The following ZNF346 variants were observed in gnomAD, a reference collection of about 807,000 sequenced individuals.
The protein encoded by ZNF346 is double-stranded RNA-binding zinc finger protein JAZ.
ZNF346 carries 23 observed loss-of-function variants against 33.7 expected under a neutral mutation model. The ratio of observed to expected loss-of-function variants is 0.68; its 90% CI spans 0.49 to 0.97. The LOEUF is 0.97. ZNF346 is among the 50% of genes least tolerant of loss of function. The pLI is 0.00. For missense variants in ZNF346, 340 were observed against 371.1 expected (o/e 0.92, Z 0.69); for synonymous variants, 134 against 142.4 (o/e 0.94, Z 0.42).
intron 1 of ZNF346, chr5:177,023,156 A>G (rs771683329): frequency 4.7e-5 from 72 of 1,531,128 alleles, no homozygotes; most frequent in Non-Finnish European, 2.0e-5. Context: ...ATCATTCACT[A>G]CAGCGCAGTT....
At position 177,041,235 on chromosome 5, in the gene ZNF346, C is replaced by A; in HGVS notation, c.279+6C>A. 1 of 1,609,556 alleles carries A rather than the reference C, an allele frequency of 6.2e-7. No homozygotes were observed. Among genetic ancestry groups the A allele is most frequent in the Non-Finnish European group, 8.5e-7 (1 of 1,175,880 alleles). On this transcript the variant is annotated splice_donor_region_variant and intron_variant, in intron 2 of 6. Transcript: ENST00000358149. ...AGAAGCTGGCACATTACCAGGTATG[C>A]CATCATACTTTTAGAACTGCGTTTC...
intron 1 of ZNF346, among the ~76,000 whole-genome samples, chr5:177,025,327 G>T (rs978352921): frequency 6.6e-6 from 1 of 152,170 alleles, no homozygotes; most frequent in Admixed American, 6.5e-5. Flanking sequence ...CATTTGGATT[G>T]TTTCCAGTTT....
chr5:177,028,496 T>TATATATATATATATA (rs1554142623), intron 1 of ZNF346, among the ~76,000 whole-genome samples: 83 of 90,494 alleles, frequency 9.2e-4, no homozygotes, highest in African/African-American at 3.6e-3. Flanking sequence ...TTGTGACGTT[T>TATATATATATATATA]TATATATATA....
intron 8 of ZNF346, among the ~76,000 whole-genome samples, chr5:177,078,083 G>T (rs1163724415): frequency 6.6e-6 from 1 of 152,080 alleles, no homozygotes; most frequent in Non-Finnish European, 1.5e-5. Flanking sequence ...GGAGGTGGAG[G>T]TTGCAGTGAG....
At chr5:177,035,018 TTTTC>T (rs1472964787) in intron 1 of ZNF346, among the ~76,000 whole-genome samples, 3 of 144,672 alleles carry the variant, frequency 2.1e-5, no homozygotes, top group African/African-American at 8.6e-5. Context: ...TTTTCTTTTC[TTTTC>T]TTTTTTTTTT....
chr5:177,072,288 A>G (rs1251428564), downstream of ZNF346, among the ~76,000 whole-genome samples: 1 of 152,162 alleles, frequency 6.6e-6, no homozygotes, highest in Non-Finnish European at 1.5e-5. Flanking sequence ...CCCTCAGGAC[A>G]TTTCCCTCAG....
At chr5:177,034,203 C>CTTTTT (rs34082036) in intron 1 of ZNF346, among the ~76,000 whole-genome samples, 193 of 142,896 alleles carry the variant, frequency 1.4e-3, no homozygotes, top group African/African-American at 4.9e-3. Context: ...TCCTTTCTTT[C>CTTTTT]TTTTTTTTTT....
chr5:177,027,586 CAAAAAAAAAA>C (rs1282201135), intron 1 of ZNF346, among the ~76,000 whole-genome samples: 1 of 64,646 alleles, frequency 1.5e-5, no homozygotes, highest in African/African-American at 4.2e-5. Context: ...GACTTTGTCT[CAAAAAAAAAA>C]AAAAAAAAAA....
intron 1 of ZNF346, among the ~76,000 whole-genome samples, chr5:177,030,269 T>C (rs1257111917): frequency 6.6e-6 from 1 of 152,174 alleles, no homozygotes; most frequent in Non-Finnish European, 1.5e-5. Context: ...TGTTGATTTC[T>C]GATTAAATTC....
rs1783789786 is a variant in ZNF346, at chr5:177,077,156, A to C, written c.*3-2226A>C. The stretch of plus-strand genomic sequence containing the variant: ...TTAAGTTTAAAAGTAATGTGTTATG[A>C]AGCAATGGATAACTAATACAGGTCT... On this transcript the variant is annotated intron_variant, in intron 8 of 8. Coordinates refer to the ZNF346 transcript ENST00000503039. This position sits in a 1 kb window ranked among gnomAD's most constrained non-coding sequence, Gnocchi z 5.0. Among the ~76,000 whole-genome samples, 1 of 152,248 alleles carries C rather than the reference A, an allele frequency of 6.6e-6. No individual in the cohort carries two copies. Among genetic ancestry groups the C allele is most frequent in the Non-Finnish European group, 1.5e-5 (1 of 68,048 alleles).
chr5:177,025,711 G>A (rs952649598), intron 1 of ZNF346, among the ~76,000 whole-genome samples: 2 of 152,078 alleles, frequency 1.3e-5, no homozygotes, highest in African/African-American at 4.8e-5. Flanking sequence ...TGCCTATTTT[G>A]TAATTGGGCT....
chr5:177,023,106 C>T, intron 1 of ZNF346, 193 bp downstream of exon 1: 1 of 1,466,452 alleles, frequency 6.8e-7, no homozygotes, highest in East Asian at 2.5e-5. Context: ...GGGTGAAGGG[C>T]CGCTCACGCT....
chr5:177,052,138 CTGAG>C (rs1222188830), intron 5 of ZNF346, among the ~76,000 whole-genome samples: 3 of 151,908 alleles, frequency 2.0e-5, no homozygotes, highest in Non-Finnish European at 2.9e-5. Flanking sequence ...GTATTCCAAC[CTGAG>C]TGAGAGCGAG....
chr5:177,047,345 T>G (rs576819060), intron 4 of ZNF346, among the ~76,000 whole-genome samples: 75 of 151,372 alleles, frequency 5.0e-4, no homozygotes, highest in Non-Finnish European at 6.6e-4. Flanking sequence ...TTTTTGTTTT[T>G]TTTTTTTTTT....
At chr5:177,054,779 G>A (rs1781445312) in intron 5 of ZNF346, among the ~76,000 whole-genome samples, 1 of 152,154 alleles carries the variant, frequency 6.6e-6, no homozygotes, top group African/African-American at 2.4e-5. Context: ...CAGATGTTGA[G>A]TGGGGAGTGG....
intron 1 of ZNF346, among the ~76,000 whole-genome samples, chr5:177,035,205 C>T (rs1778304883): frequency 6.6e-6 from 1 of 151,870 alleles, no homozygotes; most frequent in African/African-American, 2.4e-5. Context: ...TTGGTGGAGA[C>T]GGGGGTTTGC....
At chr5:177,029,732 G>T (rs1211917692) in intron 1 of ZNF346, among the ~76,000 whole-genome samples, 1 of 152,186 alleles carries the variant, frequency 6.6e-6, no homozygotes. Flanking sequence ...CGCTTGCTGG[G>T]TCTTGCGTGT....
intron 5 of ZNF346, chr5:177,051,755 T>C (rs1042931260): frequency 2.0e-5 from 3 of 151,632 alleles, no homozygotes; most frequent in Non-Finnish European, 4.4e-5. Flanking sequence ...GGCAGGATGG[T>C]CTCGATTTCC....
chr5:177,067,111 G>A lies in ZNF346; in HGVS notation c.*2512G>A, dbSNP rs1214361960. ...TAAAAGAAGGTAGCCAGGTGTGGTG[G>A]TGCATTCCTGTAGTCCTGGCTACCT... On this transcript the variant is annotated 3_prime_UTR_variant, in exon 7 of 7. Coordinates refer to ENST00000358149, the MANE Select transcript of ZNF346 (RefSeq NM_012279.4). Among the ~76,000 whole-genome samples, 1 of 152,084 alleles carries A rather than the reference G, an allele frequency of 6.6e-6. No homozygotes were observed. Among genetic ancestry groups the A allele is most frequent in the Non-Finnish European group, 1.5e-5 (1 of 68,010 alleles).
Sources: gnomAD v4.1 joint callset for allele counts (sites outside exome capture counted in the v4.1 genomes callset) on GRCh38, gnomAD v4.1.1 for gene constraint, Gnocchi (gnomAD v3.1) non-coding constraint, MANE v1.5 for transcripts, NCBI Gene and HGNC (gene_info 2026-07-23, HGNC 2026-07-21) for gene names.